SPMIP4: variants seen among roughly 807,000 people sequenced by gnomAD.
The protein encoded by SPMIP4 is sperm microtubule inner protein 4, also known as sperm-associated microtubule inner protein 4.
the SPMIP4 span, among the ~76,000 whole-genome samples, chr7:25,159,355 C>A: frequency 1.3e-4 from 20 of 152,328 alleles, no homozygotes; most frequent in African/African-American, 3.6e-4. Context: ...TTTTCTGAAG[C>A]AGTTCATTCC....
the SPMIP4 span, among the ~76,000 whole-genome samples, chr7:25,128,407 C>T: frequency 2.6e-5 from 4 of 152,178 alleles, no homozygotes; most frequent in Non-Finnish European, 1.5e-5. This position sits in a 1 kb window ranked among gnomAD's most constrained non-coding sequence, Gnocchi z 4.5. Flanking sequence ...GGCACCCAAA[C>T]CACAAGATAA....
chr7:25,126,290 G>A, the SPMIP4 span, among the ~76,000 whole-genome samples: 1 of 152,080 alleles, frequency 6.6e-6, no homozygotes, highest in African/African-American at 2.4e-5. Flanking sequence ...GCCATTTAAT[G>A]TCTCAGCCCC....
At chr7:25,144,960 G>T in the SPMIP4 span, among the ~76,000 whole-genome samples, 1 of 145,710 alleles carries the variant, frequency 6.9e-6, no homozygotes, top group Non-Finnish European at 1.5e-5. Flanking sequence ...AAGAAGGACT[G>T]TTTTTTTTTT....
the SPMIP4 span, among the ~76,000 whole-genome samples, chr7:25,129,724 C>A: frequency 6.6e-6 from 1 of 152,030 alleles, no homozygotes; most frequent in East Asian, 1.9e-4. Flanking sequence ...CACCTCTCCA[C>A]CAAAATGACT....
chr7:25,132,134 A>G, the SPMIP4 span, among the ~76,000 whole-genome samples: 17 of 152,346 alleles, frequency 1.1e-4, no homozygotes, highest in Admixed American at 2.6e-4. The surrounding 1 kb of genome is among the most constrained non-coding windows in gnomAD (Gnocchi z 5.0). Flanking sequence ...CTGGGTTTCT[A>G]TCCCGATCAT....
the SPMIP4 span, chr7:25,135,745 G>C: frequency 1.7e-6 from 2 of 1,184,558 alleles, no homozygotes; most frequent in African/African-American, 1.6e-5. Context: ...AATTTTTCTA[G>C]TTCTAATATT....
the SPMIP4 span, chr7:25,135,924 T>G: frequency 6.5e-7 from 1 of 1,529,916 alleles, no homozygotes; most frequent in South Asian, 1.3e-5. Flanking sequence ...CTGTTATATT[T>G]TTTAGCTTCT....
the SPMIP4 span, among the ~76,000 whole-genome samples, chr7:25,143,889 G>A: frequency 0.59 from 89,220 of 152,024 alleles, 27,683 homozygotes; most frequent in Non-Finnish European, 0.69. Context: ...GAGCTACCAT[G>A]CTCGACCATG....
the SPMIP4 span, among the ~76,000 whole-genome samples, chr7:25,152,342 C>T: frequency 6.6e-6 from 1 of 152,120 alleles, no homozygotes; most frequent in Non-Finnish European, 1.5e-5. Flanking sequence ...TAAGCTTTAC[C>T]AAACAGCATG....
At chr7:25,179,376 C>A in the SPMIP4 span, 1 of 1,553,140 alleles carries the variant, frequency 6.4e-7, no homozygotes, top group African/African-American at 1.4e-5. Flanking sequence ...CGAGTCAAGG[C>A]AGGCAGAAAA....
At chr7:25,137,311 T>A in the SPMIP4 span, among the ~76,000 whole-genome samples, 3 of 137,522 alleles carry the variant, frequency 2.2e-5, no homozygotes, top group Non-Finnish European at 4.6e-5. Context: ...CTTTTTTTTT[T>A]TTTTTTTTAT....
the SPMIP4 span, chr7:25,155,018 C>T: frequency 7.0e-4 from 1,136 of 1,613,120 alleles, 5 homozygotes; most frequent in African/African-American, 0.013. Flanking sequence ...TACCTCTTGT[C>T]TTCAAAACTG....
chr7:25,152,368 G>A, the SPMIP4 span, among the ~76,000 whole-genome samples: 229 of 152,210 alleles, frequency 1.5e-3, 1 homozygote, highest in South Asian at 8.5e-3. Context: ...CTTTGCTCTC[G>A]TGATAAGTTT....
chr7:25,126,681 T>G, the SPMIP4 span, among the ~76,000 whole-genome samples: 1 of 152,246 alleles, frequency 6.6e-6, no homozygotes, highest in Admixed American at 6.5e-5. Context: ...TAAGTTAGGT[T>G]AATCTCTAAG....
At chr7:25,162,556 T>G in the SPMIP4 span, among the ~76,000 whole-genome samples, 2 of 152,066 alleles carry the variant, frequency 1.3e-5, no homozygotes, top group African/African-American at 4.8e-5. Context: ...ACCCAACTAG[T>G]AAGCAGAGAA....
the SPMIP4 span, chr7:25,151,710 A>G: frequency 2.3e-6 from 3 of 1,294,266 alleles, no homozygotes; most frequent in Non-Finnish European, 3.3e-6. Flanking sequence ...AAAGCAATAA[A>G]TAAGAACAGT....
At chr7:25,168,171 C>T in the SPMIP4 span, 2 of 846,878 alleles carry the variant, frequency 2.4e-6, no homozygotes, top group Non-Finnish European at 3.6e-6. Flanking sequence ...TGTGTCTTTT[C>T]ATAAATAGTA....
the SPMIP4 span, among the ~76,000 whole-genome samples, chr7:25,177,013 T>G: frequency 6.6e-6 from 1 of 152,222 alleles, no homozygotes; most frequent in Non-Finnish European, 1.5e-5. Flanking sequence ...GCTGCTAGCA[T>G]GGGATGATGA....
chr7:25,169,924 C>T, the SPMIP4 span, among the ~76,000 whole-genome samples: 1 of 152,142 alleles, frequency 6.6e-6, no homozygotes, highest in Non-Finnish European at 1.5e-5. Context: ...ATAGATATAT[C>T]ACGTTTTGTT....
Sources: gnomAD v4.1 joint callset for allele counts (sites outside exome capture counted in the v4.1 genomes callset) on GRCh38, gnomAD v4.1.1 for gene constraint, Gnocchi (gnomAD v3.1) non-coding constraint, MANE v1.5 for transcripts, NCBI Gene and HGNC (gene_info 2026-07-23, HGNC 2026-07-21) for gene names.